Variants in GRID2 observed in about 807,000 individuals in gnomAD.
The protein encoded by GRID2 is glutamate ionotropic receptor delta type subunit 2.
GRID2 carries 33 observed loss-of-function variants against 114.8 expected under a neutral mutation model. The ratio of observed to expected loss-of-function variants is 0.29; its 90% CI spans 0.22 to 0.38. GRID2 has a LOEUF of 0.38. GRID2 is among the 10% of genes least tolerant of loss of function. GRID2 has a pLI of 1.00. For missense variants in GRID2, 1,184 were observed against 1,257.7 expected, an observed-to-expected ratio of 0.94 and a Z score of 0.89; for synonymous variants, 505 against 449.9, an observed-to-expected ratio of 1.12 and a Z score of -1.55.
intron 2 of GRID2, among the ~76,000 whole-genome samples, chr4:92,995,289 T>C (rs1482524485): frequency 1.3e-5 from 2 of 152,160 alleles, no homozygotes; most frequent in Non-Finnish European, 2.9e-5. Context: ...TCTCCTTTCA[T>C]ATGTGTCATT....
chr4:92,307,631 A>C (rs1725476765), intron 1 of GRID2, among the ~76,000 whole-genome samples: 1 of 152,182 alleles, frequency 6.6e-6, no homozygotes, highest in Non-Finnish European at 1.5e-5. Context: ...ACAGTGATGA[A>C]ACATAATGGT....
intron 13 of GRID2, among the ~76,000 whole-genome samples, chr4:93,590,065 C>T (rs1738030896): frequency 6.7e-6 from 1 of 150,282 alleles, no homozygotes; most frequent in Non-Finnish European, 1.5e-5. Flanking sequence ...TAATTAGATC[C>T]CATTTGTCAG....
chr4:93,396,158 G>T (rs368145370), intron 9 of GRID2, among the ~76,000 whole-genome samples: 1 of 151,896 alleles, frequency 6.6e-6, no homozygotes, highest in African/African-American at 2.4e-5. Flanking sequence ...TCTTTTTCTC[G>T]TAAGAACCTA....
chr4:92,759,763 C>A (rs139253016), intron 2 of GRID2, among the ~76,000 whole-genome samples: 1 of 151,442 alleles, frequency 6.6e-6, no homozygotes, highest in Non-Finnish European at 1.5e-5. Flanking sequence ...GCCACCATGC[C>A]GGGCTTTTTT....
intron 2 of GRID2, among the ~76,000 whole-genome samples, chr4:92,686,337 T>C (rs1320507086): frequency 6.6e-6 from 1 of 152,064 alleles, no homozygotes; most frequent in Non-Finnish European, 1.5e-5. Flanking sequence ...AATAAAATTT[T>C]AAATGCTATT....
At chr4:92,441,330 G>A (rs1228801500) in intron 1 of GRID2, among the ~76,000 whole-genome samples, 1 of 152,162 alleles carries the variant, frequency 6.6e-6, no homozygotes, top group African/African-American at 2.4e-5. Flanking sequence ...TGTCTGTGAA[G>A]CTTTGCAGCA....
At chr4:92,370,475 C>G (rs929596394) in intron 1 of GRID2, among the ~76,000 whole-genome samples, 1 of 152,044 alleles carries the variant, frequency 6.6e-6, no homozygotes, top group African/African-American at 2.4e-5. Context: ...CAGAGCAAAA[C>G]CCCATCTCTA....
chr4:92,818,740 G>A (rs1007469328), intron 2 of GRID2, among the ~76,000 whole-genome samples: 1 of 152,052 alleles, frequency 6.6e-6, no homozygotes, highest in African/African-American at 2.4e-5. Context: ...TCTCTTCTGG[G>A]TGTGTGAGGC....
At chr4:93,063,510 AC>A (rs1165983696) in intron 2 of GRID2, among the ~76,000 whole-genome samples, 2 of 151,872 alleles carry the variant, frequency 1.3e-5, no homozygotes, top group Non-Finnish European at 2.9e-5. Context: ...ACATGGATAT[AC>A]TCAAATGTAT....
chr4:92,562,762 G>A (rs943173640), intron 1 of GRID2, among the ~76,000 whole-genome samples: 4 of 152,070 alleles, frequency 2.6e-5, no homozygotes, highest in Non-Finnish European at 1.5e-5. Context: ...TATGATGCCT[G>A]CCTCACAAAA....
chr4:92,529,274 TGAGAGAGA>T (rs548524431), intron 1 of GRID2, among the ~76,000 whole-genome samples: 62 of 150,244 alleles, frequency 4.1e-4, no homozygotes, highest in African/African-American at 1.5e-3. Context: ...TACAATGTAG[TGAGAGAGA>T]GAGAGAGAGA....
At chr4:92,432,233 C>T (rs960126600) in intron 1 of GRID2, among the ~76,000 whole-genome samples, 5 of 152,066 alleles carry the variant, frequency 3.3e-5, no homozygotes, top group South Asian at 2.1e-4. Context: ...AGGCCCATGG[C>T]GACCACTGCC....
At chr4:92,554,932 GT>G (rs1435779376) in intron 1 of GRID2, among the ~76,000 whole-genome samples, 1 of 152,118 alleles carries the variant, frequency 6.6e-6, no homozygotes, top group Non-Finnish European at 1.5e-5. Flanking sequence ...TGGTAATTGT[GT>G]TTATTGCTCG....
intron 2 of GRID2, among the ~76,000 whole-genome samples, chr4:92,779,686 T>C (rs1738979892): frequency 6.6e-6 from 1 of 152,232 alleles, no homozygotes; most frequent in African/African-American, 2.4e-5. Context: ...AAAAAGAACA[T>C]GTGCAAGATA....
chr4:92,312,921 G>T (rs781084269), intron 1 of GRID2, among the ~76,000 whole-genome samples: 1 of 151,968 alleles, frequency 6.6e-6, no homozygotes, highest in Non-Finnish European at 1.5e-5. Context: ...ATTTGATGCA[G>T]CAGCAACCCC....
chr4:93,405,227 C>T (rs1766294801), intron 9 of GRID2, among the ~76,000 whole-genome samples: 1 of 152,088 alleles, frequency 6.6e-6, no homozygotes, highest in South Asian at 2.1e-4. Flanking sequence ...TAAACAGACT[C>T]TTAAAGAAAA....
intron 2 of GRID2, among the ~76,000 whole-genome samples, chr4:92,977,337 G>A (rs1753940255): frequency 6.6e-6 from 1 of 152,012 alleles, no homozygotes; most frequent in Admixed American, 6.6e-5. Flanking sequence ...TTCTGGGAGA[G>A]GTACATTCTA....
intron 2 of GRID2, among the ~76,000 whole-genome samples, chr4:92,901,371 T>G (rs1347303639): frequency 2.0e-5 from 3 of 152,166 alleles, no homozygotes; most frequent in Non-Finnish European, 4.4e-5. Context: ...ACTGAGTTGC[T>G]TGTAGATTCT....
chr4:92,423,873 A>C (rs1464198278), intron 1 of GRID2, among the ~76,000 whole-genome samples: 2 of 152,248 alleles, frequency 1.3e-5, no homozygotes, highest in African/African-American at 4.8e-5. Flanking sequence ...GAGGAGCAAC[A>C]CAATTAGTCA....
Sources: allele counts gnomAD v4.1 joint callset (sites outside exome capture counted in the v4.1 genomes callset), GRCh38; gene constraint gnomAD v4.1.1; transcripts MANE v1.5; gene names NCBI Gene and HGNC (gene_info 2026-07-23, HGNC 2026-07-21).